Variants in RASL10B observed in about 807,000 individuals in gnomAD.
RASL10B encodes the protein ras-like protein family member 10B.
RASL10B carries 10 observed loss-of-function variants against 20.7 expected under a neutral mutation model. The observed-to-expected ratio is 0.48, with a 90% CI of 0.30 to 0.82. RASL10B has a LOEUF of 0.82. RASL10B is among the 40% of genes least tolerant of loss of function. The pLI is 0.07. For synonymous variants in RASL10B, 110 were observed against 123.3 expected (o/e 0.89, Z 0.72); for missense variants, 231 against 295.4 (o/e 0.78, Z 1.60).
At position 35,741,304 on chromosome 17, in the gene RASL10B, G is replaced by A. The variant is rs1004174987; in HGVS notation, c.611G>A (p.Ter204=). ...ALRRNRCAIM[*] ...CGCCGCAACCGCTGCGCCATCATGT[G>A]ACGCCTGCGCGCCCCTCGGGCTGCA... is the stretch of plus-strand genomic sequence containing the variant. The change falls in exon 4 of 4, where the codon TGA becomes TAA. Residue 204 remains the stop codon, a stop_retained_variant. Coordinates refer to ENST00000603017, the MANE Select transcript of RASL10B (RefSeq NM_033315.4). 17 of 1,484,020 alleles carry A rather than the reference G, an allele frequency of 1.1e-5. No individual in the cohort carries two copies. The African/African-American group carries it at 2.3e-4, about 20-fold the overall frequency. 91.9% of individuals were successfully genotyped at this position (1,484,020 alleles called of 1,614,324 possible). A position where few individuals can be genotyped will look rare whatever the true frequency, so the allele number is the denominator to read the frequency against.
In RASL10B at chr17:35,731,779, C is replaced by A; in HGVS notation, c.-247C>A. ...CAGGCGGGGGAGCCCCTACTTCTCT[C>A]CCCCCGGGCGGGGGAGCCGGGGGGC... On this transcript the variant is annotated 5_prime_UTR_variant, in exon 1 of 4. Transcript: ENST00000603017. 1 of 151,918 alleles carries A rather than the reference C, an allele frequency of 6.6e-6. No individual in the cohort carries two copies. The highest frequency in any genetic ancestry group is 2.0e-4 in the East Asian group (1 of 5,124). 9.4% of individuals were successfully genotyped at this position (151,918 alleles called of 1,614,324 possible).
At chr17:35,740,566 C>T (rs1555597773) in intron 3 of RASL10B, 33 bp downstream of exon 3, 2 of 1,605,468 alleles carry the variant, frequency 1.2e-6, no homozygotes, top group South Asian at 2.2e-5. Context: ...ATTGCCACCT[C>T]TGTGGATGCC....
Position 35,741,331 on chromosome 17 carries a change from C to G in RASL10B, c.*26C>G, listed in dbSNP as rs1426056077. On this transcript the variant is annotated 3_prime_UTR_variant, in exon 4 of 4. Transcript: ENST00000603017. ...CGCCTGCGCGCCCCTCGGGCTGCAC[C>G]GGCACTGGCCGAGCGGAGGGCGGGG... 3.5e-6 allele frequency: 5 copies of G among 1,410,784 alleles called. No homozygotes were observed. Among genetic ancestry groups the G allele is most frequent in the Admixed American group, 6.1e-5 (2 of 33,008 alleles). The allele number at this position is 1,410,784 out of a possible 1,614,324, so 87.4% of individuals were successfully genotyped here.
chr17:35,741,317 C>A lies in RASL10B; in HGVS notation c.*12C>A. ...GCGCCATCATGTGACGCCTGCGCGC[C>A]CCTCGGGCTGCACCGGCACTGGCCG... On this transcript the variant is annotated 3_prime_UTR_variant, in exon 4 of 4. Coordinates refer to ENST00000603017, the MANE Select transcript of RASL10B (RefSeq NM_033315.4). 6.9e-7 allele frequency: 1 copy of A among 1,457,498 alleles called. No homozygotes were observed. The highest frequency in any genetic ancestry group is 2.7e-5 in the East Asian group (1 of 37,132). 90.3% of individuals were successfully genotyped at this position (1,457,498 alleles called of 1,614,324 possible).
Position 35,741,264 on chromosome 17 carries a change from T to G in RASL10B, c.571T>G (p.Phe191Val). The G allele has an allele frequency of 6.4e-7, 1 of 1,552,524 alleles. No individual in the cohort carries two copies. The highest frequency in any genetic ancestry group is 8.7e-7 in the Non-Finnish European group (1 of 1,148,012). The change falls in exon 4 of 4, where the codon TTC (phenylalanine) becomes GTC (valine). Residue 191 changes from phenylalanine (F) to valine (V), a missense_variant. Phe to Val is a conservative substitution (Grantham distance 50). Coordinates refer to ENST00000603017, the MANE Select transcript of RASL10B (RefSeq NM_033315.4). The part of the protein sequence containing the change: ...RCKHVHAALR[F>V]QGALRRNRCA... ...CAAGCACGTGCACGCTGCCCTGCGC[T>G]TCCAGGGCGCGCTGCGCCGCAACCG...
intron 2 of RASL10B, among the ~76,000 whole-genome samples, chr17:35,738,801 G>T (rs587769481): frequency 3.2e-4 from 48 of 152,286 alleles, no homozygotes; most frequent in African/African-American, 1.0e-3. Context: ...GAGGCAACAT[G>T]TTGGGGGAGA....
intron 3 of RASL10B, among the ~76,000 whole-genome samples, chr17:35,740,830 C>T (rs1421691996): frequency 6.6e-6 from 1 of 152,214 alleles, no homozygotes; most frequent in East Asian, 1.9e-4. Flanking sequence ...AAGCCTATGT[C>T]CTCATCTGTA....
chr17:35,741,246 G>A lies in RASL10B; in HGVS notation c.553G>A (p.Val185Met), dbSNP rs1196289698. The A allele has an allele frequency of 1.8e-5, 28 of 1,592,180 alleles. No homozygotes were observed. Among genetic ancestry groups the A allele is most frequent in the Non-Finnish European group, 2.1e-5 (25 of 1,169,728 alleles). Residue 185 changes from valine to methionine, a missense_variant, in exon 4 of 4, where the codon GTG (valine) becomes ATG (methionine). Coordinates refer to ENST00000603017, the MANE Select transcript of RASL10B (RefSeq NM_033315.4). ...KSVGCARCKH[V>M]HAALRFQGAL... Reference sequence around the variant, plus strand: ...CGTCGGCTGCGCCCGTTGCAAGCACGTGCACGCTGCCCTGCGCTTCCAGGG... The same window carrying A: ...CGTCGGCTGCGCCCGTTGCAAGCACATGCACGCTGCCCTGCGCTTCCAGGG...
At position 35,741,234 on chromosome 17, in the gene RASL10B, C is replaced by G. The variant is rs893506461; in HGVS notation, c.541C>G (p.Arg181Gly). 6 of 1,605,984 alleles carry G rather than the reference C, an allele frequency of 3.7e-6. No homozygotes were observed. Among genetic ancestry groups the G allele is most frequent in the Non-Finnish European group, 5.1e-6 (6 of 1,176,738 alleles). Residue 181 changes from arginine to glycine, a missense_variant, in exon 4 of 4, where the codon CGT (arginine) becomes GGT (glycine). By Grantham distance (125) the Arg-to-Gly change is moderately radical (BLOSUM62 -2). Transcript: ENST00000603017. ...SELLKSVGCARCKHVHAALRF... is the reference protein window; with the variant it reads ...SELLKSVGCAGCKHVHAALRF... ...GCTGCTCAAGAGCGTCGGCTGCGCC[C>G]GTTGCAAGCACGTGCACGCTGCCCT...
chr17:35,742,630 T>C lies in RASL10B; in HGVS notation c.*1325T>C, dbSNP rs1347501883. 1 of 152,680 alleles carries C rather than the reference T, an allele frequency of 6.5e-6. No homozygotes were observed. Among genetic ancestry groups the C allele is most frequent in the Non-Finnish European group, 1.5e-5 (1 of 68,066 alleles). The allele number at this position is 152,680 out of a possible 1,614,324, so 9.5% of individuals were successfully genotyped here. A position where few individuals can be genotyped will look rare whatever the true frequency, so the allele number is the denominator to read the frequency against. On this transcript the variant is annotated 3_prime_UTR_variant, in exon 4 of 4. Coordinates refer to ENST00000603017, the MANE Select transcript of RASL10B (RefSeq NM_033315.4). ...ACAATAATAATGAAGATTCTAGGAA[T>C]GGCATGAGGGATTGATGGGGGACTT... is the stretch of plus-strand genomic sequence containing the variant.
At position 35,740,460 on chromosome 17, in the gene RASL10B, C is replaced by T; in HGVS notation, c.268C>T (p.Leu90=). Residue 90 remains leucine (L), a synonymous_variant, in exon 3 of 4, where the codon CTG becomes TTG. Coordinates refer to ENST00000603017, the MANE Select transcript of RASL10B (RefSeq NM_033315.4). ...RGLRSVHAYI[L]VYDICCFDSF... is the part of the protein sequence containing the mutation. ...ACTCCGGAGTGTCCACGCCTACATCCTGGTCTACGACATCTGCTGCTTTGA... is the reference window on the plus strand; with the variant it reads ...ACTCCGGAGTGTCCACGCCTACATCTTGGTCTACGACATCTGCTGCTTTGA... 1 of 1,614,082 alleles carries T rather than the reference C, an allele frequency of 6.2e-7. No homozygotes were observed. The highest frequency in any genetic ancestry group is 2.2e-5 in the East Asian group (1 of 44,888).
rs1555598011 is a variant in RASL10B at position 35,741,677 on chromosome 17, G to A, written c.*372G>A. 2.5e-5 allele frequency: 6 copies of A among 238,902 alleles called. No homozygotes were observed. The highest frequency in any genetic ancestry group is 4.8e-5 in the Non-Finnish European group (6 of 124,872). 14.8% of individuals were successfully genotyped at this position (238,902 alleles called of 1,614,324 possible). ...TCTTCTCCAGAATGTGTCTGTCTTT[G>A]CCTGGTGTCTTCCTTTCCCGTGTCC... On this transcript the variant is annotated 3_prime_UTR_variant, in exon 4 of 4. Transcript: ENST00000603017.
Position 35,735,248 on chromosome 17 carries a change from C to A in RASL10B, c.64C>A (p.Arg22Ser). The A allele has an allele frequency of 6.2e-7, 1 of 1,613,602 alleles. No individual in the cohort carries two copies. Among genetic ancestry groups the A allele is most frequent in the Non-Finnish European group, 8.5e-7 (1 of 1,180,010 alleles). The stretch of plus-strand genomic sequence containing the variant: ...AGGTGTGGGCAAGAGTGCCATCGTG[C>A]GCCAGTTCTTGTACAACGAGTTCAG... ...ARGVGKSAIV[R>S]QFLYNEFSEV... The change falls in exon 2 of 4, where the codon CGC becomes AGC. Residue 22 changes from arginine (R) to serine (S), a missense_variant. Coordinates refer to ENST00000603017, the MANE Select transcript of RASL10B (RefSeq NM_033315.4). The surrounding 1 kb of genome is among the most constrained non-coding windows in gnomAD (Gnocchi z 6.7).
rs1196149703 is a variant in RASL10B, at chr17:35,742,361, G to A, written c.*1056G>A. 1.3e-5 allele frequency: 2 copies of A among 152,382 alleles called. No homozygotes were observed. Among genetic ancestry groups the A allele is most frequent in the African/African-American group, 4.8e-5 (2 of 41,398 alleles). 9.4% of individuals were successfully genotyped at this position (152,382 alleles called of 1,614,324 possible). A position where few individuals can be genotyped will look rare whatever the true frequency, so the allele number is the denominator to read the frequency against. ...CCTGCCTCAGATCTCAGACTATCCT[G>A]ATTAATCTGGGGAAGAACAGAGCCA... On this transcript the variant is annotated 3_prime_UTR_variant, in exon 4 of 4. Coordinates refer to ENST00000603017, the MANE Select transcript of RASL10B (RefSeq NM_033315.4).
chr17:35,732,196 G>C (rs2085562577), intron 1 of RASL10B, among the ~76,000 whole-genome samples: 1 of 152,198 alleles, frequency 6.6e-6, no homozygotes, highest in African/African-American at 2.4e-5. Context: ...GGCGAACGTG[G>C]TTGGAACAAA....
rs141706333 is a variant in RASL10B, at chr17:35,740,930, C to A, written c.342-105C>A. On this transcript the variant is annotated intron_variant, in intron 3 of 3. Coordinates refer to ENST00000603017, the MANE Select transcript of RASL10B (RefSeq NM_033315.4). ...CCAGGGCTTAGGGCTGCGCCTGGAG[C>A]AGAACCTACGGTGGTGGTAGTATTG... 43 of 942,964 alleles carry A rather than the reference C, an allele frequency of 4.6e-5. No homozygotes were observed. In the Middle Eastern group the frequency reaches 6.7e-4, roughly 15 times the overall value. 58.4% of individuals were successfully genotyped at this position (942,964 alleles called of 1,614,324 possible).
chr17:35,741,482 C>A lies in RASL10B; in HGVS notation c.*177C>A. 1 of 947,348 alleles carries A rather than the reference C, an allele frequency of 1.1e-6. No homozygotes were observed. The highest frequency in any genetic ancestry group is 1.4e-6 in the Non-Finnish European group (1 of 694,546). The allele number at this position is 947,348 out of a possible 1,614,324, so 58.7% of individuals were successfully genotyped here. On this transcript the variant is annotated 3_prime_UTR_variant, in exon 4 of 4. Coordinates refer to ENST00000603017, the MANE Select transcript of RASL10B (RefSeq NM_033315.4). Reference sequence around the variant, plus strand: ...CGCGAGAGGGAGCCCTCCGTAACTGCCCAGCCCTGCCCCTTGCCCCCGTGG... The same window carrying A: ...CGCGAGAGGGAGCCCTCCGTAACTGACCAGCCCTGCCCCTTGCCCCCGTGG...
At chr17:35,739,845 C>G (rs1374563503) in intron 2 of RASL10B, among the ~76,000 whole-genome samples, 1 of 152,154 alleles carries the variant, frequency 6.6e-6, no homozygotes, top group African/African-American at 2.4e-5. Flanking sequence ...ATGAGGATGG[C>G]CTGGCTGTGG....
intron 1 of RASL10B, among the ~76,000 whole-genome samples, chr17:35,733,893 C>T (rs1209749480): frequency 6.6e-6 from 1 of 152,224 alleles, no homozygotes; most frequent in Non-Finnish European, 1.5e-5. Context: ...AGGCCCAAAC[C>T]CCTAGCAGCC....
Sources: gnomAD v4.1 joint callset for allele counts (sites outside exome capture counted in the v4.1 genomes callset) on GRCh38, gnomAD v4.1.1 for gene constraint, Gnocchi (gnomAD v3.1) non-coding constraint, MANE v1.5 for transcripts, NCBI Gene and HGNC (gene_info 2026-07-23, HGNC 2026-07-21) for gene names.